Variants in PXDNL observed in about 807,000 individuals in gnomAD.
PXDNL encodes peroxidasin like, also known as probable oxidoreductase PXDNL.
In PXDNL, 145 loss-of-function variants were observed where a neutral mutation model predicts 150.8. The observed-to-expected ratio is 0.96, with a 90% CI of 0.84 to 1.10. The LOEUF is 1.10. Ranked by LOEUF, PXDNL falls within the 50% of genes least tolerant of loss-of-function variation. The pLI, the probability that PXDNL is intolerant of heterozygous loss-of-function variation, is 0.00. For missense variants in PXDNL, 2,087 were observed against 1,873.9 expected (o/e 1.11, Z -2.10); for synonymous variants, 757 against 725.7 (o/e 1.04, Z -0.69).
intron 8 of PXDNL, among the ~76,000 whole-genome samples, chr8:51,462,676 TGG>T: frequency 6.6e-6 from 1 of 152,170 alleles, no homozygotes; most frequent in Non-Finnish European, 1.5e-5. Context: ...TACAATTCAT[TGG>T]CATTCCTGAG....
At chr8:51,787,088 A>G (rs569839952) in intron 1 of PXDNL, among the ~76,000 whole-genome samples, 15 of 129,160 alleles carry the variant, frequency 1.2e-4, no homozygotes, top group African/African-American at 3.9e-4. Flanking sequence ...TACTGCTGCA[A>G]CCTACTTCCC....
chr8:51,713,973 G>T (rs1816552941), intron 1 of PXDNL, among the ~76,000 whole-genome samples: 1 of 152,036 alleles, frequency 6.6e-6, no homozygotes, highest in Non-Finnish European at 1.5e-5. Context: ...ATAAAACCAT[G>T]AATTGTTTTT....
chr8:51,680,599 T>C (rs907330019), intron 1 of PXDNL, among the ~76,000 whole-genome samples: 1 of 152,186 alleles, frequency 6.6e-6, no homozygotes, highest in Non-Finnish European at 1.5e-5. Context: ...TTTACTTTTA[T>C]TGAGTGGGGA....
chr8:51,401,705 G>A (rs1023062121), intron 17 of PXDNL, among the ~76,000 whole-genome samples: 1 of 152,166 alleles, frequency 6.6e-6, no homozygotes, highest in South Asian at 2.1e-4. Context: ...GGGCACCCAG[G>A]AATCTGTGAG....
chr8:51,542,200 G>A (rs1322461545), intron 4 of PXDNL, among the ~76,000 whole-genome samples: 1 of 95,550 alleles, frequency 1.0e-5, no homozygotes, highest in Non-Finnish European at 2.2e-5. Context: ...TCACACTCAA[G>A]GGCAGTCCAT....
At chr8:51,476,833 T>C (rs1300711054) in intron 6 of PXDNL, among the ~76,000 whole-genome samples, 1 of 152,210 alleles carries the variant, frequency 6.6e-6, no homozygotes, top group African/African-American at 2.4e-5. Flanking sequence ...TATACCTGAT[T>C]GTAAGAAGTA....
chr8:51,479,058 C>T (rs574563570), intron 6 of PXDNL, among the ~76,000 whole-genome samples: 5 of 152,328 alleles, frequency 3.3e-5, no homozygotes, highest in Admixed American at 1.3e-4. Context: ...GGAGAACTCC[C>T]TCAGCCTCTT....
chr8:51,664,783 T>A (rs1815346989), intron 1 of PXDNL, among the ~76,000 whole-genome samples: 1 of 152,064 alleles, frequency 6.6e-6, no homozygotes, highest in South Asian at 2.1e-4. Flanking sequence ...CCACTGTGGA[T>A]GAAGCTGAGC....
At chr8:51,340,449 G>A (rs1395404142) in intron 20 of PXDNL, among the ~76,000 whole-genome samples, 8 of 152,216 alleles carry the variant, frequency 5.3e-5, no homozygotes, top group Non-Finnish European at 1.0e-4. Context: ...TATTGGGTAT[G>A]ATATCTGCAT....
Position 51,578,076 on chromosome 8 carries a change from GAA to G in PXDNL, c.308+14549_308+14550del, listed in dbSNP as rs1445916612. Among the ~76,000 whole-genome samples, 2 of 110,038 alleles carry G rather than the reference GAA, an allele frequency of 1.8e-5. 1 individual carries two copies. The highest frequency in any genetic ancestry group is 8.2e-5 in the African/African-American group (2 of 24,390). The allele number at this position is 110,038 out of a possible 152,430, so 72.2% of individuals were successfully genotyped here. On this transcript the variant is annotated intron_variant, in intron 3 of 22. Transcript: ENST00000356297. ...AAAGAAAGAAAGGAAAGAAAGAAAAGAAAGAAAAAGAGAAAGAAAGAAAGAAA... is the reference window on the plus strand; with the variant it reads ...AAAGAAAGAAAGGAAAGAAAGAAAAGAGAAAAAGAGAAAGAAAGAAAGAAA...
intron 1 of PXDNL, among the ~76,000 whole-genome samples, chr8:51,712,133 C>T (rs1816515168): frequency 1.3e-5 from 2 of 152,054 alleles, no homozygotes; most frequent in African/African-American, 2.4e-5. Flanking sequence ...AGGCCTCTGG[C>T]ATGTCATTGT....
At chr8:51,760,360 TAA>T (rs111940442) in intron 1 of PXDNL, among the ~76,000 whole-genome samples, 2 of 142,868 alleles carry the variant, frequency 1.4e-5, no homozygotes, top group Admixed American at 7.0e-5. Flanking sequence ...TAGGCTTAAT[TAA>T]AAAAAAAAAA....
Position 51,638,040 on chromosome 8 carries a change from G to A in PXDNL, c.236+16649C>T, listed in dbSNP as rs372749115. On this transcript the variant is annotated intron_variant, in intron 2 of 22. Transcript: ENST00000356297. ...CTACAAGCCAGAAGAGACTGGCGGC[G>A]AATATTCAACATTCTTAAAGAAAAG... 5.9e-5 allele frequency among the ~76,000 whole-genome samples: 9 copies of A among 152,200 alleles called. No homozygotes were observed. The East Asian group carries it at 9.7e-4, about 16-fold the overall frequency.
chr8:51,712,438 G>T (rs921631705), intron 1 of PXDNL, among the ~76,000 whole-genome samples: 4 of 152,072 alleles, frequency 2.6e-5, no homozygotes, highest in African/African-American at 7.2e-5. Context: ...TATTTATTGT[G>T]TTTCTAATGT....
At chr8:51,456,236 A>C (rs1286684065) in intron 9 of PXDNL, among the ~76,000 whole-genome samples, 1 of 151,990 alleles carries the variant, frequency 6.6e-6, no homozygotes, top group Non-Finnish European at 1.5e-5. Flanking sequence ...TTTATACCTC[A>C]CCAAATCTCG....
intron 3 of PXDNL, among the ~76,000 whole-genome samples, chr8:51,561,638 A>G (rs1283651085): frequency 1.3e-5 from 2 of 151,946 alleles, no homozygotes; most frequent in Non-Finnish European, 1.5e-5. Flanking sequence ...GACAAATACT[A>G]TGTGATTCCT....
intron 1 of PXDNL, among the ~76,000 whole-genome samples, chr8:51,781,102 G>T (rs2037410774): frequency 6.6e-6 from 1 of 152,130 alleles, no homozygotes; most frequent in Admixed American, 6.5e-5. Flanking sequence ...TTTAACACAT[G>T]AATTTTGGGT....
chr8:51,372,163 C>G (rs903235495), intron 18 of PXDNL, 82 bp from the exon 19 acceptor site: 30 of 936,542 alleles, frequency 3.2e-5, no homozygotes, highest in Middle Eastern at 6.3e-4. Context: ...CACAATGCAC[C>G]AAGAAGAGCT....
At chr8:51,620,292 C>T (rs112284567) in intron 2 of PXDNL, among the ~76,000 whole-genome samples, 6,319 of 152,028 alleles carry the variant, frequency 0.042, 445 homozygotes, top group African/African-American at 0.14. Flanking sequence ...GAAGGTTTCA[C>T]GAATGCCTCT....
Sources: gnomAD v4.1 joint callset for allele counts (sites outside exome capture counted in the v4.1 genomes callset) on GRCh38, gnomAD v4.1.1 for gene constraint, MANE v1.5 for transcripts, NCBI Gene and HGNC (gene_info 2026-07-23, HGNC 2026-07-21) for gene names.